The following ARHGEF26 variants were observed in gnomAD, a reference collection of about 807,000 sequenced individuals.
ARHGEF26 encodes the protein Rho guanine nucleotide exchange factor (GEF) 26.
Under a neutral mutation model 89.4 loss-of-function variants are expected in ARHGEF26, and 59 were observed. The observed-to-expected ratio is 0.66, with a 90% CI of 0.54 to 0.82. ARHGEF26 has a LOEUF of 0.82. ARHGEF26 is among the 40% of genes least tolerant of loss of function. The probability of loss-of-function intolerance (pLI) is 0.00; values close to 1 mark genes in which losing one functional copy is unlikely to be tolerated. For missense variants in ARHGEF26, 1,234 were observed against 1,085.6 expected (o/e 1.14, Z -1.92); for synonymous variants, 500 against 428.4 (o/e 1.17, Z -2.06).
At position 154,240,383 on chromosome 3, in the gene ARHGEF26, A is replaced by G; in HGVS notation, c.2104A>G (p.Asn702Asp). Residue 702 changes from asparagine to aspartate, a missense_variant, in exon 12 of 15, where the codon AAC becomes GAC. Transcript: ENST00000465093. ...TTTCCTTTACAGTGAAGAAAGTTAC[A>G]ACGTCAATGATTATTCCTTAAGAGA... ...ITKKKSEESY[N>D]VNDYSLRDQL... 1 of 1,606,096 alleles carries G rather than the reference A, an allele frequency of 6.2e-7. No individual in the cohort carries two copies. The highest frequency in any genetic ancestry group is 8.5e-7 in the Non-Finnish European group (1 of 1,174,500).
chr3:154,196,123 T>C (rs555088329), intron 9 of ARHGEF26, among the ~76,000 whole-genome samples: 2 of 152,134 alleles, frequency 1.3e-5, no homozygotes, highest in South Asian at 4.2e-4. Context: ...ATAGGGAACC[T>C]GAGCTGAGTG....
chr3:154,191,914 G>A (rs1051092407), intron 8 of ARHGEF26, among the ~76,000 whole-genome samples: 2 of 152,240 alleles, frequency 1.3e-5, no homozygotes, highest in Admixed American at 6.5e-5. Context: ...TGCGAAGTGA[G>A]TGAGGAAAGC....
chr3:154,252,312 GT>G, intron 12 of ARHGEF26, among the ~76,000 whole-genome samples: 1 of 152,306 alleles, frequency 6.6e-6, no homozygotes, highest in East Asian at 1.9e-4. Context: ...GTTGAGTGCA[GT>G]GTCTGACATG....
intron 4 of ARHGEF26, among the ~76,000 whole-genome samples, chr3:154,139,321 C>G (rs1056915809): frequency 6.6e-6 from 1 of 152,120 alleles, no homozygotes. Context: ...GTGGTTTTAT[C>G]AATCTTGTAC....
intron 4 of ARHGEF26, among the ~76,000 whole-genome samples, chr3:154,139,985 A>G (rs1385730552): frequency 6.6e-6 from 1 of 152,230 alleles, no homozygotes. Flanking sequence ...CTATAATAAT[A>G]CAAAAATGGA....
Position 154,200,114 on chromosome 3 carries a change from T to C in ARHGEF26, c.1845+5396T>C, listed in dbSNP as rs1324083546. On this transcript the variant is annotated intron_variant, in intron 9 of 14. Coordinates refer to ENST00000465093, the MANE Select transcript of ARHGEF26 (RefSeq NM_015595.4). ...TTTGGCTGCCTGTGGTTGTAGGGTA[T>C]TTTTCAAGGAATTTTTGCCCAGACC... 5.9e-5 allele frequency among the ~76,000 whole-genome samples: 9 copies of C among 152,256 alleles called. No individual in the cohort carries two copies. The East Asian group carries it at 1.7e-3, about 29-fold the overall frequency.
chr3:154,216,494 T>TTTA (rs1715743170), intron 9 of ARHGEF26, among the ~76,000 whole-genome samples: 5 of 123,008 alleles, frequency 4.1e-5, no homozygotes, highest in African/African-American at 6.2e-5. Flanking sequence ...TTTTTTTTAT[T>TTTA]TTTTTTTATT....
At chr3:154,133,649 T>G (rs756248617) in intron 4 of ARHGEF26, among the ~76,000 whole-genome samples, 7 of 152,052 alleles carry the variant, frequency 4.6e-5, no homozygotes, top group Non-Finnish European at 8.8e-5. Context: ...GTGTGATGCC[T>G]CCGGCTTTAT....
chr3:154,211,397 C>CT (rs1189138442), intron 9 of ARHGEF26, among the ~76,000 whole-genome samples: 4 of 148,770 alleles, frequency 2.7e-5, no homozygotes, highest in East Asian at 2.0e-4. Context: ...TGAGTTTGGT[C>CT]TTTTTTTTTC....
chr3:154,180,148 T>C (rs1713092422), intron 6 of ARHGEF26, among the ~76,000 whole-genome samples: 1 of 152,220 alleles, frequency 6.6e-6, no homozygotes, highest in South Asian at 2.1e-4. Context: ...TAAGGACCTC[T>C]GTGATTACTT....
chr3:154,143,852 T>G (rs1719530833), intron 4 of ARHGEF26, among the ~76,000 whole-genome samples: 1 of 152,374 alleles, frequency 6.6e-6, no homozygotes, highest in African/African-American at 2.4e-5. Flanking sequence ...CATGTATTTG[T>G]TAACCTCATT....
chr3:154,256,489 T>C lies in ARHGEF26; in HGVS notation c.*1016T>C. 2.2e-6 allele frequency: 2 copies of C among 911,552 alleles called. No homozygotes were observed. The highest frequency in any genetic ancestry group is 2.6e-6 in the Non-Finnish European group (2 of 781,290). The allele number at this position is 911,552 out of a possible 1,614,324, so 56.5% of individuals were successfully genotyped here. A position where few individuals can be genotyped will look rare whatever the true frequency, so the allele number is the denominator to read the frequency against. ...TCCACCAGAGAGGAGATCCTCGGCC[T>C]CCCCAAGTGCTGGGATTATAGGCAT... On this transcript the variant is annotated 3_prime_UTR_variant, in exon 15 of 15. Coordinates refer to ENST00000465093, the MANE Select transcript of ARHGEF26 (RefSeq NM_015595.4).
intron 12 of ARHGEF26, among the ~76,000 whole-genome samples, chr3:154,242,819 CAAAA>C (rs140410926): frequency 6.9e-6 from 1 of 144,800 alleles, no homozygotes; most frequent in Non-Finnish European, 1.5e-5. Flanking sequence ...CAGCAGCCAT[CAAAA>C]AAAAAAGGGA....
chr3:154,239,644 A>C (rs1717371553), intron 11 of ARHGEF26, among the ~76,000 whole-genome samples: 1 of 152,058 alleles, frequency 6.6e-6, no homozygotes, highest in Admixed American at 6.6e-5. Flanking sequence ...AGACTTTACT[A>C]GTTTCTTAAA....
chr3:154,235,953 C>T (rs1717102681), intron 11 of ARHGEF26, among the ~76,000 whole-genome samples: 1 of 152,060 alleles, frequency 6.6e-6, no homozygotes, highest in Non-Finnish European at 1.5e-5. Context: ...TAAATGTCTT[C>T]CTGATTTCAA....
intron 9 of ARHGEF26, among the ~76,000 whole-genome samples, chr3:154,207,175 C>T (rs188151383): frequency 1.1e-3 from 161 of 152,124 alleles, no homozygotes; most frequent in Admixed American, 0.01. Context: ...CTGGTCATAC[C>T]ATTCGGGACA....
chr3:154,194,876 C>T (rs1327064350), intron 9 of ARHGEF26, among the ~76,000 whole-genome samples, 158 bp downstream of exon 9: 3 of 152,206 alleles, frequency 2.0e-5, no homozygotes, highest in Non-Finnish European at 2.9e-5. Context: ...ATTTGCTATA[C>T]TCAGGTGAAG....
intron 6 of ARHGEF26, among the ~76,000 whole-genome samples, chr3:154,182,605 C>A (rs964602109): frequency 2.6e-5 from 4 of 152,172 alleles, no homozygotes; most frequent in African/African-American, 9.7e-5. Flanking sequence ...TGAGACCATT[C>A]AACATTAATC....
chr3:154,244,966 T>A (rs1717709134), intron 12 of ARHGEF26, among the ~76,000 whole-genome samples: 1 of 152,172 alleles, frequency 6.6e-6, no homozygotes, highest in African/African-American at 2.4e-5. Context: ...AGGAAGTCAG[T>A]CGCTATTAAC....
Sources: gnomAD v4.1 joint callset for allele counts (sites outside exome capture counted in the v4.1 genomes callset) on GRCh38, gnomAD v4.1.1 for gene constraint, MANE v1.5 for transcripts, NCBI Gene and HGNC (gene_info 2026-07-23, HGNC 2026-07-21) for gene names.